The following PHIP variants were observed in gnomAD, a reference collection of about 807,000 sequenced individuals.
PHIP encodes the protein PHIP subunit of CUL4-Ring ligase complex, also known as PH-interacting protein.
PHIP carries 54 observed loss-of-function variants against 236.8 expected under a neutral mutation model. The observed-to-expected ratio is 0.23, with a 90% confidence interval of 0.18 to 0.29. PHIP has a LOEUF of 0.29. Among genes scored for constraint, PHIP ranks in the 10% least tolerant of loss-of-function variants. PHIP has a pLI of 1.00. For missense variants in PHIP, 1,370 were observed against 2,190.8 expected (o/e 0.63, Z 7.48); for synonymous variants, 756 against 718.9 (o/e 1.05, Z -0.83).
At chr6:78,964,727 G>A (rs1562130290) in intron 29 of PHIP, among the ~76,000 whole-genome samples, 1 of 152,090 alleles carries the variant, frequency 6.6e-6, no homozygotes, top group Non-Finnish European at 1.5e-5. Flanking sequence ...ACCTGACCTC[G>A]TGATCCACCT....
At chr6:79,043,031 G>A (rs775967951) in intron 6 of PHIP, 28 bp from the exon 7 acceptor site, 4 of 1,567,180 alleles carry the variant, frequency 2.6e-6, no homozygotes, top group Non-Finnish European at 3.5e-6. Context: ...GAAAATAAAT[G>A]TAATCTGGAA....
intron 15 of PHIP, among the ~76,000 whole-genome samples, chr6:79,006,847 T>C (rs567586179): frequency 2.0e-5 from 3 of 152,104 alleles, no homozygotes; most frequent in East Asian, 1.9e-4. Flanking sequence ...ATAAAGCTCA[T>C]AGACATTAAA....
At chr6:78,942,783 C>T (rs542531856) in intron 39 of PHIP, among the ~76,000 whole-genome samples, 2 of 152,232 alleles carry the variant, frequency 1.3e-5, no homozygotes, top group South Asian at 4.1e-4. Context: ...GCTTTAAGGA[C>T]TACATGAATC....
chr6:79,035,727 A>C (rs572999108), intron 7 of PHIP, among the ~76,000 whole-genome samples: 16 of 152,306 alleles, frequency 1.1e-4, no homozygotes, highest in Admixed American at 2.0e-4. Flanking sequence ...TATTTACTAC[A>C]ATTTCATTTT....
chr6:79,065,982 C>G (rs1773602685), intron 4 of PHIP, among the ~76,000 whole-genome samples: 1 of 151,780 alleles, frequency 6.6e-6, no homozygotes, highest in Non-Finnish European at 1.5e-5. Flanking sequence ...TTAATATAAA[C>G]TTAAGCTTTT....
At chr6:79,072,525 A>C (rs1445514911) in intron 4 of PHIP, among the ~76,000 whole-genome samples, 8 of 151,838 alleles carry the variant, frequency 5.3e-5, no homozygotes, top group African/African-American at 1.9e-4. Flanking sequence ...TGTGTCACCC[A>C]CGCTGGAGGG....
chr6:78,992,583 G>C lies in PHIP; in HGVS notation c.2202-1598C>G, dbSNP rs141875846. On this transcript the variant is annotated intron_variant, in intron 19 of 39. Transcript: ENST00000275034. ...CTTCGTGTCTCTGTGTCACATTTTG[G>C]TAATTCTTAAAATATTTCTGGCTTT... 6.4e-4 allele frequency among the ~76,000 whole-genome samples: 97 copies of C among 151,980 alleles called. 1 individual carries two copies. The South Asian group carries it at 8.1e-3, about 13-fold the overall frequency.
intron 13 of PHIP, 138 bp downstream of exon 13, chr6:79,016,406 A>T (rs1429595773): frequency 2.2e-6 from 1 of 454,534 alleles, no homozygotes; most frequent in Admixed American, 3.9e-5. Flanking sequence ...GCTCATCTCC[A>T]ATTGTACCTC....
chr6:78,993,250 G>GT (rs1176998679), intron 19 of PHIP, among the ~76,000 whole-genome samples: 1 of 152,226 alleles, frequency 6.6e-6, no homozygotes, highest in Non-Finnish European at 1.5e-5. Context: ...AACTACCTGT[G>GT]TAACATAAAA....
At chr6:79,043,327 A>G (rs1772316386) in intron 6 of PHIP, among the ~76,000 whole-genome samples, 1 of 152,076 alleles carries the variant, frequency 6.6e-6, no homozygotes, top group Admixed American at 6.6e-5. Context: ...AAAAACCTAA[A>G]GCATTTATAT....
chr6:78,939,778 C>T lies in PHIP; in HGVS notation c.*915G>A, dbSNP rs1773397376. The T allele has an allele frequency of 6.6e-6, 1 of 152,326 alleles. No homozygotes were observed. The highest frequency in any genetic ancestry group is 1.5e-5 in the Non-Finnish European group (1 of 67,846). The allele number at this position is 152,326 out of a possible 1,614,324, so 9.4% of individuals were successfully genotyped here. A position where few individuals can be genotyped will look rare whatever the true frequency, so the allele number is the denominator to read the frequency against. On this transcript the variant is annotated 3_prime_UTR_variant, in exon 40 of 40. Transcript: ENST00000275034. ...TCCTTGAATCCTTTAACCACTTAAA[C>T]ATTTCCTCTAGAACATCTCTGTCAA...
At chr6:79,026,946 T>A (rs777382259) in intron 7 of PHIP, among the ~76,000 whole-genome samples, 1 of 152,042 alleles carries the variant, frequency 6.6e-6, no homozygotes, top group Non-Finnish European at 1.5e-5. Context: ...TTTGCCACAT[T>A]TTCTAGTCTT....
rs139438010 is a variant in PHIP, at chr6:79,019,736, C to T, written c.924-577G>A. ...ACTCTTACGTCAACTACAATGAATG[C>T]TCATTCAAAATAGCAGTCTACAGAA... On this transcript the variant is annotated intron_variant, in intron 9 of 39. Coordinates refer to ENST00000275034, the MANE Select transcript of PHIP (RefSeq NM_017934.7). Among the ~76,000 whole-genome samples, 96 of 152,182 alleles carry T rather than the reference C, an allele frequency of 6.3e-4. 1 individual carries two copies. The South Asian group carries it at 8.1e-3, about 13-fold the overall frequency.
chr6:79,051,554 C>T (rs1008836217), intron 6 of PHIP, among the ~76,000 whole-genome samples: 1 of 152,072 alleles, frequency 6.6e-6, no homozygotes. Flanking sequence ...TGTAGTTGCA[C>T]CTCCTGTTTG....
At chr6:79,008,140 G>A (rs1468125901) in intron 15 of PHIP, among the ~76,000 whole-genome samples, 2 of 151,614 alleles carry the variant, frequency 1.3e-5, no homozygotes, top group Non-Finnish European at 2.9e-5. Context: ...GCAGTGAGCT[G>A]AGATTGTGCC....
At chr6:78,987,243 T>A (rs1296133947) in intron 21 of PHIP, among the ~76,000 whole-genome samples, 1 of 152,100 alleles carries the variant, frequency 6.6e-6, no homozygotes, top group Non-Finnish European at 1.5e-5. Context: ...TAGAGGAAAC[T>A]CTTTCAAAAA....
intron 38 of PHIP, 163 bp downstream of exon 38, chr6:78,945,838 C>A: frequency 1.6e-6 from 1 of 628,072 alleles, no homozygotes; most frequent in South Asian, 2.2e-5. Context: ...CAATTTAATT[C>A]TTCTTATTAA....
chr6:78,947,497 A>G, intron 36 of PHIP, 126 bp downstream of exon 36: 1 of 555,082 alleles, frequency 1.8e-6, no homozygotes, highest in South Asian at 2.7e-5. Flanking sequence ...TTTTTCCAGT[A>G]GGACAACATT....
At chr6:78,997,282 T>C (rs987989068) in intron 19 of PHIP, 132 bp downstream of exon 19, 3 of 626,372 alleles carry the variant, frequency 4.8e-6, no homozygotes, top group Non-Finnish European at 8.4e-6. Context: ...TCTACAGTCA[T>C]GAATAGTTTA....
Sources: gnomAD v4.1 joint callset for allele counts (sites outside exome capture counted in the v4.1 genomes callset) on GRCh38, gnomAD v4.1.1 for gene constraint, MANE v1.5 for transcripts, NCBI Gene and HGNC (gene_info 2026-07-23, HGNC 2026-07-21) for gene names.